SNRPB2: variants seen among roughly 807,000 people sequenced by gnomAD.
SNRPB2 encodes small nuclear ribonucleoprotein polypeptide B2.
A neutral mutation model predicts 26.3 loss-of-function variants in SNRPB2; 16 were observed. That is an observed-to-expected ratio of 0.61 (90% confidence interval 0.41 to 0.92). The LOEUF (loss-of-function observed/expected upper bound fraction) is 0.92. SNRPB2 is among the 40% of genes least tolerant of loss of function. SNRPB2 has a pLI of 0.00. For missense variants in SNRPB2, 179 were observed against 268.1 expected (o/e 0.67, Z 2.32); for synonymous variants, 75 against 89.0 (o/e 0.84, Z 0.88).
rs747933050 is a variant in SNRPB2 at position 16,737,319 on chromosome 20, C to G, written c.296C>G (p.Ala99Gly). 4.4e-6 allele frequency: 7 copies of G among 1,606,104 alleles called. No homozygotes were observed. The highest frequency in any genetic ancestry group is 1.7e-5 in the Admixed American group (1 of 58,562). Residue 99 changes from alanine (A) to glycine (G), a missense_variant, in exon 4 of 7, where the codon GCT becomes GGT. Transcript: ENST00000246071. ...DIISKMRGTF[A>G]DKEKKKEKKK... ...ATATCAAAAATGCGTGGAACTTTTG[C>G]TGACAAAGAAAAGAAAAAAGAAAAG...
At chr20:16,735,646 A>G (rs773305463) in intron 3 of SNRPB2, among the ~76,000 whole-genome samples, 1 of 152,224 alleles carries the variant, frequency 6.6e-6, no homozygotes, top group Non-Finnish European at 1.5e-5. Context: ...GGCATTTGGA[A>G]TGCAAACTAT....
Position 16,742,455 on chromosome 20 carries a change from T to G in SNRPB2, c.*1450T>G, listed in dbSNP as rs1206310731. On this transcript the variant is annotated 3_prime_UTR_variant, in exon 7 of 7. Coordinates refer to ENST00000246071, the MANE Select transcript of SNRPB2 (RefSeq NM_003092.5). ...AATAGTAAGAGGGGTCGTGTAGGTC[T>G]TCTTCAGGATTTGCTTATACTCTGA... 6.6e-6 allele frequency: 1 copy of G among 151,604 alleles called. No homozygotes were observed. Among genetic ancestry groups the G allele is most frequent in the Non-Finnish European group, 1.5e-5 (1 of 67,870 alleles). 9.4% of individuals were successfully genotyped at this position (151,604 alleles called of 1,614,324 possible). A position where few individuals can be genotyped will look rare whatever the true frequency, so the allele number is the denominator to read the frequency against.
At chr20:16,733,681 A>G (rs941916097) in intron 3 of SNRPB2, among the ~76,000 whole-genome samples, 1 of 152,258 alleles carries the variant, frequency 6.6e-6, no homozygotes, top group Non-Finnish European at 1.5e-5. Context: ...GAGCAGTCCC[A>G]GATGAGAACA....
intron 1 of SNRPB2, chr20:16,730,699 G>C (rs572820902): frequency 6.6e-6 from 1 of 152,192 alleles, no homozygotes; most frequent in Non-Finnish European, 1.5e-5. Flanking sequence ...TTCACATACA[G>C]TGGATGCTCT....
At position 16,732,264 on chromosome 20, in the gene SNRPB2, A is replaced by G. The variant is rs1555817698; in HGVS notation, c.165A>G (p.Ile55Met). ...AGATGAGGGGGCAGGCCTTTGTCATATTTAAGGAACTGGGCTCATCCACAA... is the reference window on the plus strand; with the variant it reads ...AGATGAGGGGGCAGGCCTTTGTCATGTTTAAGGAACTGGGCTCATCCACAA... ...TMKMRGQAFV[I>M]FKELGSSTNA... is the part of the protein sequence containing the mutation. Residue 55 changes from isoleucine to methionine, a missense_variant, in exon 3 of 7, where the codon ATA (isoleucine) becomes ATG (methionine). Coordinates refer to ENST00000246071, the MANE Select transcript of SNRPB2 (RefSeq NM_003092.5). 6 of 1,605,918 alleles carry G rather than the reference A, an allele frequency of 3.7e-6. No individual in the cohort carries two copies. In the Admixed American group the frequency reaches 8.5e-5, roughly 23 times the overall value.
At chr20:16,738,365 C>G (rs2072441524) in intron 4 of SNRPB2, among the ~76,000 whole-genome samples, 1 of 150,368 alleles carries the variant, frequency 6.7e-6, no homozygotes, top group Non-Finnish European at 1.5e-5. Context: ...ATTGGTTGAA[C>G]CTGGGAGGCA....
chr20:16,740,870 T>A lies in SNRPB2; in HGVS notation c.543T>A (p.Arg181=), dbSNP rs1483978070. The A allele has an allele frequency of 1.2e-6, 2 of 1,612,294 alleles. No homozygotes were observed. Among genetic ancestry groups the A allele is most frequent in the Non-Finnish European group, 1.7e-6 (2 of 1,178,432 alleles). Residue 181 remains arginine (R), a synonymous_variant, in exon 7 of 7, where the codon CGT becomes CGA. Coordinates refer to ENST00000246071, the MANE Select transcript of SNRPB2 (RefSeq NM_003092.5). Reference sequence around the variant, plus strand: ...GGTTCCCTGGCTTCAAGGAAGTACGTCTGGTACCAGGGAGGCATGACATTG... The same window carrying A: ...GGTTCCCTGGCTTCAAGGAAGTACGACTGGTACCAGGGAGGCATGACATTG... ...FNQFPGFKEV[R]LVPGRHDIAF...
chr20:16,733,113 G>A (rs890754364), intron 3 of SNRPB2, among the ~76,000 whole-genome samples: 1 of 152,166 alleles, frequency 6.6e-6, no homozygotes, highest in Non-Finnish European at 1.5e-5. Flanking sequence ...AGAGCCAAGG[G>A]CCAGGGTTTA....
chr20:16,734,511 T>C (rs1568753636), intron 3 of SNRPB2, among the ~76,000 whole-genome samples: 1 of 152,226 alleles, frequency 6.6e-6, no homozygotes, highest in Non-Finnish European at 1.5e-5. Flanking sequence ...TCATGAAAAC[T>C]TTGGCATAAG....
At chr20:16,740,459 G>T in intron 6 of SNRPB2, 46 bp downstream of exon 6, 1 of 1,601,892 alleles carries the variant, frequency 6.2e-7, no homozygotes. Context: ...CTTCCTCACA[G>T]GACAAGTAGT....
chr20:16,732,579 G>A lies in SNRPB2; in HGVS notation c.237+243G>A, dbSNP rs928877327. On this transcript the variant is annotated intron_variant, in intron 3 of 6. Transcript: ENST00000246071. The stretch of plus-strand genomic sequence containing the variant: ...AAAAATAATGGCAGTCTAGGCAATA[G>A]TCTTATCTCAAAAAGTTAGAAATTA... 7 of 301,652 alleles carry A rather than the reference G, an allele frequency of 2.3e-5. No homozygotes were observed. In the Admixed American group the frequency reaches 3.0e-4, roughly 13 times the overall value. The allele number at this position is 301,652 out of a possible 1,614,324, so 18.7% of individuals were successfully genotyped here.
intron 1 of SNRPB2, among the ~76,000 whole-genome samples, chr20:16,731,256 T>A (rs1050032702): frequency 6.6e-6 from 1 of 152,238 alleles, no homozygotes; most frequent in African/African-American, 2.4e-5. Context: ...AGTGCACCCA[T>A]TAAGTAGTTG....
At chr20:16,732,424 T>C (rs2072399144) in intron 3 of SNRPB2, 88 bp downstream of exon 3, 1 of 709,512 alleles carries the variant, frequency 1.4e-6, no homozygotes, top group Admixed American at 2.8e-5. Context: ...AAACTGTGGC[T>C]ATTGCTTTCT....
chr20:16,735,389 A>C (rs1485736279), intron 3 of SNRPB2, among the ~76,000 whole-genome samples: 1 of 150,926 alleles, frequency 6.6e-6, no homozygotes, highest in Non-Finnish European at 1.5e-5. Flanking sequence ...TCCAAGGAGG[A>C]AGAGTTTGCT....
At chr20:16,731,842 A>G in intron 2 of SNRPB2, 76 bp downstream of exon 2, 3 of 1,590,390 alleles carry the variant, frequency 1.9e-6, no homozygotes, top group Admixed American at 1.7e-5. Context: ...GTACTGCCTC[A>G]AAACCTCTTA....
rs746762929 is a variant in SNRPB2 at position 16,740,321 on chromosome 20, A to T, written c.430-4A>T. ...GCTAACTTTGCCTTTTTACTTTTTA[A>T]TAGGTCCCTGATTACCCTCCAAACT... On this transcript the variant is annotated splice_region_variant and splice_polypyrimidine_tract_variant and intron_variant, in intron 5 of 6. Coordinates refer to ENST00000246071, the MANE Select transcript of SNRPB2 (RefSeq NM_003092.5). 6 of 1,609,494 alleles carry T rather than the reference A, an allele frequency of 3.7e-6. No individual in the cohort carries two copies. Among genetic ancestry groups the T allele is most frequent in the Non-Finnish European group, 5.1e-6 (6 of 1,178,368 alleles).
chr20:16,731,841 C>T (rs1158607130), intron 2 of SNRPB2, 75 bp downstream of exon 2: 23 of 1,591,818 alleles, frequency 1.4e-5, no homozygotes, highest in Non-Finnish European at 2.0e-5. Flanking sequence ...TGTACTGCCT[C>T]AAAACCTCTT....
At chr20:16,740,724 A>T in intron 6 of SNRPB2, 122 bp from the exon 7 acceptor site, 1 of 759,604 alleles carries the variant, frequency 1.3e-6, no homozygotes, top group Non-Finnish European at 2.1e-6. Flanking sequence ...TCTACTCAGT[A>T]TTCTTGGTTA....
At chr20:16,730,322 G>T (rs1265854390) in intron 1 of SNRPB2, among the ~76,000 whole-genome samples, 158 bp downstream of exon 1, 2 of 152,160 alleles carry the variant, frequency 1.3e-5, no homozygotes, top group African/African-American at 4.8e-5. Context: ...AGGCTTGCGC[G>T]TACGAAGTAA....
Sources: gnomAD v4.1 joint callset for allele counts (sites outside exome capture counted in the v4.1 genomes callset) on GRCh38, gnomAD v4.1.1 for gene constraint, MANE v1.5 for transcripts, NCBI Gene and HGNC (gene_info 2026-07-23, HGNC 2026-07-21) for gene names.